The following CHM variants were observed in gnomAD, a reference collection of about 807,000 sequenced individuals.
CHM encodes CHM Rab escort protein.
In CHM, 10 loss-of-function variants were observed where a neutral mutation model predicts 49.0. The observed-to-expected ratio is 0.20, with a 90% confidence interval of 0.13 to 0.35. The LOEUF (loss-of-function observed/expected upper bound fraction) is 0.35, where lower values mean the gene tolerates loss of function less well. CHM is among the 10% of genes least tolerant of loss of function. The pLI is 1.00. For synonymous variants in CHM, 184 were observed against 167.5 expected (o/e 1.10, Z -0.76); for missense variants, 455 against 478.4 (o/e 0.95, Z 0.46).
chrX:86,029,182 T>C (rs1054152401), intron 1 of CHM, among the ~76,000 whole-genome samples: 1 of 112,352 alleles, frequency 8.9e-6, no homozygotes, highest in African/African-American at 3.2e-5. Context: ...ACTTTAGATA[T>C]AATTCAAGTA....
chrX:85,917,057 T>C (rs1382963435), intron 8 of CHM, among the ~76,000 whole-genome samples: 2 of 112,351 alleles, frequency 1.8e-5, no homozygotes, highest in African/African-American at 6.5e-5. Context: ...TGTCCATCAA[T>C]GACAGAATGG....
intron 2 of CHM, among the ~76,000 whole-genome samples, chrX:86,014,611 G>A (rs1215853748): frequency 1.8e-5 from 2 of 112,642 alleles, no homozygotes; most frequent in South Asian, 3.6e-4. Flanking sequence ...GGGTGTCCCC[G>A]GCTGTGGAGG....
rs1243229832 is a variant in CHM at position 86,047,510 on chromosome X, T to C, written c.23A>G (p.Glu8Gly). ...CGTCCCTATTACGATCACATCAAAC[T>C]CCGAAGGGAGAGTATCCGCCATCTT... MADTLPSEFDVIVIGTGL... is the reference protein window; with the variant it reads MADTLPSGFDVIVIGTGL... The change falls in exon 1 of 15, where the codon GAG becomes GGG. Residue 8 changes from glutamate to glycine, a missense_variant. Physicochemically the swap from Glu to Gly is moderately conservative, Grantham distance 98. Coordinates refer to ENST00000357749, the MANE Select transcript of CHM (RefSeq NM_000390.4). 1 of 1,208,171 alleles carries C rather than the reference T, an allele frequency of 8.3e-7. No individual in the cohort carries two copies.
chrX:85,956,483 C>T (rs1930015223), intron 7 of CHM, 105 bp from the exon 8 acceptor site: 1 of 1,031,821 alleles, frequency 9.7e-7, no homozygotes, highest in African/African-American at 1.9e-5. Flanking sequence ...TCACAAAGGA[C>T]ATAGGTGGTA....
At chrX:85,879,428 T>C (rs1346593082) in intron 12 of CHM, among the ~76,000 whole-genome samples, 1 of 112,245 alleles carries the variant, frequency 8.9e-6, no homozygotes, top group Non-Finnish European at 1.9e-5. Context: ...GTTTTGCTGA[T>C]AAGTTAACAA....
At chrX:85,912,667 T>C (rs1927102410) in intron 8 of CHM, among the ~76,000 whole-genome samples, 2 of 111,319 alleles carry the variant, frequency 1.8e-5, no homozygotes, top group Admixed American at 1.9e-4. Context: ...GCACTGATCT[T>C]GAGACTGGGA....
chrX:85,886,040 C>T (rs1385895898), intron 12 of CHM, among the ~76,000 whole-genome samples: 1 of 111,266 alleles, frequency 9.0e-6, no homozygotes, highest in Non-Finnish European at 1.9e-5. Flanking sequence ...ACAAACATTT[C>T]AACATCATAA....
chrX:85,946,458 C>T (rs5968725), intron 8 of CHM, among the ~76,000 whole-genome samples: 25,233 of 111,348 alleles, frequency 0.23, 2,168 homozygotes, highest in Non-Finnish European at 0.25. Context: ...ACTTCAGCTC[C>T]AGCCTCAGCT....
intron 1 of CHM, among the ~76,000 whole-genome samples, chrX:86,040,192 T>C (rs1009085497): frequency 1.8e-5 from 2 of 111,972 alleles, no homozygotes; most frequent in African/African-American, 6.5e-5. Flanking sequence ...CACTGTAACA[T>C]TCCCTCTGGA....
At chrX:85,873,519 T>C (rs1285434942) in intron 13 of CHM, among the ~76,000 whole-genome samples, 1 of 111,741 alleles carries the variant, frequency 8.9e-6, no homozygotes, top group Non-Finnish European at 1.9e-5. Flanking sequence ...TCCTTATGTT[T>C]CAAATGGACA....
At chrX:85,913,824 C>T in intron 8 of CHM, among the ~76,000 whole-genome samples, 1 of 110,451 alleles carries the variant, frequency 9.1e-6, no homozygotes, top group Non-Finnish European at 1.9e-5. Context: ...ACACTAGACA[C>T]AGCCAATAAA....
chrX:86,034,084 AG>A (rs1044269588), intron 1 of CHM, among the ~76,000 whole-genome samples: 4 of 111,761 alleles, frequency 3.6e-5, no homozygotes, highest in African/African-American at 1.3e-4. Context: ...TCCTGTTTTT[AG>A]GTGGATACTA....
chrX:85,937,051 G>C (rs1224301642), intron 8 of CHM, among the ~76,000 whole-genome samples: 9 of 110,213 alleles, frequency 8.2e-5, no homozygotes, highest in African/African-American at 3.0e-4. Context: ...TGGATCATGA[G>C]GTCAAGAGAT....
chrX:85,906,626 T>C (rs1433026005), intron 9 of CHM, among the ~76,000 whole-genome samples: 1 of 111,743 alleles, frequency 8.9e-6, no homozygotes, highest in Non-Finnish European at 1.9e-5. Flanking sequence ...TCTCCTTGTA[T>C]ACAAGGGCAA....
intron 12 of CHM, among the ~76,000 whole-genome samples, chrX:85,889,945 A>T (rs1925337150): frequency 8.9e-6 from 1 of 111,875 alleles, no homozygotes; most frequent in Non-Finnish European, 1.9e-5. Flanking sequence ...GAATTAACAC[A>T]GAAATAGAAA....
At chrX:85,980,902 A>AT (rs757600417) in intron 3 of CHM, among the ~76,000 whole-genome samples, 1 of 110,466 alleles carries the variant, frequency 9.1e-6, no homozygotes, top group Admixed American at 9.7e-5. Context: ...AATTTCTTTG[A>AT]TTTTTTCTTT....
At chrX:86,007,266 G>A (rs1932880687) in intron 2 of CHM, among the ~76,000 whole-genome samples, 1 of 111,621 alleles carries the variant, frequency 9.0e-6, no homozygotes, top group African/African-American at 3.3e-5. Context: ...AATTCAAGAT[G>A]GATTAAAGAC....
chrX:85,956,227 A>G lies in CHM; in HGVS notation c.1092T>C (p.Cys364=), dbSNP rs1304570988. The change falls in exon 8 of 15, where the codon TGT becomes TGC. Residue 364 remains cysteine (C), a synonymous_variant. Coordinates refer to ENST00000357749, the MANE Select transcript of CHM (RefSeq NM_000390.4). The stretch of plus-strand genomic sequence containing the variant: ...ATGGAGTGTTGCCATACCGCCCAAG[A>G]CAGTGAAGAAAGTTTTTGGTAGCTT... ...GLKATKNFLH[C]LGRYGNTPFL... 8.3e-7 allele frequency: 1 copy of G among 1,211,424 alleles called. No individual in the cohort carries two copies. Among genetic ancestry groups the G allele is most frequent in the Non-Finnish European group, 1.1e-6 (1 of 895,408 alleles).
At chrX:86,006,007 A>G (rs1402875500) in intron 2 of CHM, among the ~76,000 whole-genome samples, 2 of 111,818 alleles carry the variant, frequency 1.8e-5, no homozygotes, top group Admixed American at 1.9e-4. Flanking sequence ...CGATGAAAAA[A>G]TCCTCAATAA....
Sources: gnomAD v4.1 joint callset for allele counts (sites outside exome capture counted in the v4.1 genomes callset) on GRCh38, gnomAD v4.1.1 for gene constraint, MANE v1.5 for transcripts, NCBI Gene and HGNC (gene_info 2026-07-23, HGNC 2026-07-21) for gene names.